The following DDX10 variants were observed in gnomAD, a reference collection of about 807,000 sequenced individuals.
DDX10 encodes the protein DEAD-box helicase 10, also known as probable ATP-dependent RNA helicase DDX10.
In DDX10, 74 loss-of-function variants were observed where a neutral mutation model predicts 104.3. The ratio of observed to expected loss-of-function variants is 0.71; its 90% CI spans 0.59 to 0.86. The LOEUF is 0.86. Ranked by LOEUF, DDX10 falls within the 40% of genes least tolerant of loss-of-function variation. DDX10 has a pLI of 0.00. For synonymous variants in DDX10, 351 were observed against 353.4 expected, an observed-to-expected ratio of 0.99 and a Z score of 0.08; for missense variants, 952 against 1,040.0, an observed-to-expected ratio of 0.92 and a Z score of 1.16.
chr11:108,801,125 A>C (rs569812019), intron 13 of DDX10, among the ~76,000 whole-genome samples: 5 of 152,278 alleles, frequency 3.3e-5, no homozygotes, highest in African/African-American at 1.2e-4. Context: ...TGTGCTTTGG[A>C]GTGTTAGAAT....
Position 108,665,214 on chromosome 11 carries a change from A to C in DDX10, c.61A>C (p.Asn21His), listed in dbSNP as rs768270725. Residue 21 changes from asparagine to histidine, a missense_variant, in exon 1 of 18, where the codon AAT becomes CAT. By Grantham distance (68) the Asn-to-His change is moderately conservative (BLOSUM62 1). Around this residue, in one of 3 missense-constraint regions of DDX10, gnomAD observed 412 missense variants for 479.2 expected, o/e 0.86. Coordinates refer to ENST00000322536, the MANE Select transcript of DDX10 (RefSeq NM_004398.4). The stretch of plus-strand genomic sequence containing the variant: ...CCGACCCGACCCGGTGCGGAGCTTC[A>C]ATCGCTGGAAGAAAAAACACAGCCA... ...GARPDPVRSFNRWKKKHSHRQ... is the reference protein window; with the variant it reads ...GARPDPVRSFHRWKKKHSHRQ... The C allele has an allele frequency of 6.8e-6, 11 of 1,613,452 alleles. No homozygotes were observed. Among genetic ancestry groups the C allele is most frequent in the African/African-American group, 2.7e-5 (2 of 74,896 alleles).
At chr11:108,886,871 G>T (rs1190344908) in intron 16 of DDX10, among the ~76,000 whole-genome samples, 1 of 152,102 alleles carries the variant, frequency 6.6e-6, no homozygotes, top group African/African-American at 2.4e-5. Flanking sequence ...ATTCAAAACT[G>T]GTTTCATCAG....
intron 16 of DDX10, among the ~76,000 whole-genome samples, chr11:108,880,393 T>C (rs1453083470): frequency 1.3e-5 from 2 of 152,184 alleles, no homozygotes; most frequent in Non-Finnish European, 2.9e-5. Flanking sequence ...AATAAGTTAA[T>C]TTGGTGGTGG....
chr11:108,857,268 T>TA (rs1370699702), intron 16 of DDX10, among the ~76,000 whole-genome samples: 1 of 152,162 alleles, frequency 6.6e-6, no homozygotes, highest in African/African-American at 2.4e-5. Context: ...TAATAGCAAA[T>TA]ACCTTTAGTA....
intron 10 of DDX10, among the ~76,000 whole-genome samples, chr11:108,714,326 CAAGT>C (rs1403557912): frequency 3.9e-5 from 6 of 152,198 alleles, no homozygotes; most frequent in Admixed American, 2.6e-4. Context: ...TGACTCAGCT[CAAGT>C]AAGCTGTGAT....
At chr11:108,674,374 TCAAA>T (rs1466582002) in intron 2 of DDX10, among the ~76,000 whole-genome samples, 5 of 152,278 alleles carry the variant, frequency 3.3e-5, no homozygotes, top group Non-Finnish European at 7.4e-5. Context: ...AATGGCTAAA[TCAAA>T]CTAATTGTAT....
intron 13 of DDX10, among the ~76,000 whole-genome samples, chr11:108,800,770 G>T (rs1434493097): frequency 6.6e-6 from 1 of 152,120 alleles, no homozygotes; most frequent in African/African-American, 2.4e-5. Context: ...GTATGTTGTT[G>T]CCTTTATAGA....
chr11:108,781,258 A>G (rs74584301), intron 13 of DDX10, among the ~76,000 whole-genome samples: 1,620 of 152,132 alleles, frequency 0.011, 28 homozygotes, highest in African/African-American at 0.037. Flanking sequence ...TTATGGTTGT[A>G]TTGTATTTCA....
intron 13 of DDX10, among the ~76,000 whole-genome samples, chr11:108,809,623 C>T (rs749805640): frequency 5.3e-5 from 8 of 152,104 alleles, no homozygotes; most frequent in African/African-American, 7.2e-5. Flanking sequence ...CAGAAAATAT[C>T]GAGCTACCTG....
At chr11:108,708,263 A>AT (rs1239682393) in intron 10 of DDX10, among the ~76,000 whole-genome samples, 29 of 144,646 alleles carry the variant, frequency 2.0e-4, no homozygotes, top group Middle Eastern at 3.3e-3. Context: ...GTTAAAAAAA[A>AT]TTTTTTTTTT....
At chr11:108,896,743 A>G (rs1196995121) in intron 16 of DDX10, among the ~76,000 whole-genome samples, 1 of 152,154 alleles carries the variant, frequency 6.6e-6, no homozygotes, top group African/African-American at 2.4e-5. Flanking sequence ...TAGGAAGGAA[A>G]GGTAATTTTT....
chr11:108,793,089 C>T (rs1004804565), intron 13 of DDX10, among the ~76,000 whole-genome samples: 1 of 152,142 alleles, frequency 6.6e-6, no homozygotes, highest in Non-Finnish European at 1.5e-5. Flanking sequence ...AGATATGCGT[C>T]GTAGGCAAAG....
At chr11:108,680,179 G>A (rs2094232695) in intron 6 of DDX10, among the ~76,000 whole-genome samples, 1 of 152,176 alleles carries the variant, frequency 6.6e-6, no homozygotes, top group Non-Finnish European at 1.5e-5. Flanking sequence ...GTAAAAGTAT[G>A]TATGTTTGTG....
intron 16 of DDX10, among the ~76,000 whole-genome samples, chr11:108,881,085 G>A (rs775839168): frequency 3.3e-5 from 5 of 152,044 alleles, no homozygotes; most frequent in South Asian, 2.1e-4. Flanking sequence ...TCTTTAAACC[G>A]TTTCTTAATG....
intron 16 of DDX10, among the ~76,000 whole-genome samples, chr11:108,853,314 A>G (rs1457804687): frequency 6.6e-6 from 1 of 152,192 alleles, no homozygotes; most frequent in Non-Finnish European, 1.5e-5. Flanking sequence ...TAAATCTAAT[A>G]AAAGCATTTG....
intron 9 of DDX10, among the ~76,000 whole-genome samples, chr11:108,699,398 T>C (rs1467084311): frequency 1.3e-5 from 2 of 152,192 alleles, no homozygotes; most frequent in African/African-American, 2.4e-5. Flanking sequence ...AGGTGTCAGA[T>C]GGTACTTTAA....
chr11:108,725,424 G>A (rs1394607498), intron 13 of DDX10, among the ~76,000 whole-genome samples: 1 of 152,118 alleles, frequency 6.6e-6, no homozygotes, highest in Non-Finnish European at 1.5e-5. Flanking sequence ...TCCAATTTGT[G>A]TTCTTGCCAG....
intron 13 of DDX10, among the ~76,000 whole-genome samples, chr11:108,824,586 A>AT (rs895802361): frequency 1.3e-5 from 2 of 152,284 alleles, no homozygotes; most frequent in Non-Finnish European, 1.5e-5. Context: ...CAATACTGTC[A>AT]TTTTTTTGGA....
chr11:108,821,256 TA>T (rs1473954748), intron 13 of DDX10, among the ~76,000 whole-genome samples: 1 of 152,222 alleles, frequency 6.6e-6, no homozygotes, highest in Non-Finnish European at 1.5e-5. Flanking sequence ...AATTTGCTTT[TA>T]GGGGAAGAAT....
Sources: gnomAD v4.1 joint callset for allele counts (sites outside exome capture counted in the v4.1 genomes callset) on GRCh38, gnomAD v4.1.1 for gene constraint, gnomAD v4.1.1 regional missense constraint, MANE v1.5 for transcripts, NCBI Gene and HGNC (gene_info 2026-07-23, HGNC 2026-07-21) for gene names.